VPS13D: variants seen among roughly 807,000 people sequenced by gnomAD.
VPS13D encodes intermembrane lipid transfer protein VPS13D.
A neutral mutation model predicts 461.9 loss-of-function variants in VPS13D; 187 were observed. The ratio of observed to expected loss-of-function variants is 0.40; its 90% CI spans 0.36 to 0.46. The LOEUF (loss-of-function observed/expected upper bound fraction) is 0.46. VPS13D is among the 20% of genes least tolerant of loss of function. The pLI is 0.60. For missense variants in VPS13D, 4,711 were observed against 5,364.9 expected (o/e 0.88, Z 3.81); for synonymous variants, 1,951 against 1,986.3 (o/e 0.98, Z 0.47).
At chr1:12,313,299 C>CTTG (rs1642805402) in intron 29 of VPS13D, among the ~76,000 whole-genome samples, 2 of 117,604 alleles carry the variant, frequency 1.7e-5, no homozygotes, top group Admixed American at 1.8e-4. Context: ...TTATTCTTTC[C>CTTG]TTTTTTTTTT....
intron 57 of VPS13D, among the ~76,000 whole-genome samples, chr1:12,379,942 G>C (rs1166389232): frequency 6.6e-6 from 1 of 151,978 alleles, no homozygotes; most frequent in Non-Finnish European, 1.5e-5. Flanking sequence ...CTAATTTTTT[G>C]TATTTTTTAG....
chr1:12,386,714 AT>A (rs1392558511), intron 60 of VPS13D, among the ~76,000 whole-genome samples: 5 of 152,290 alleles, frequency 3.3e-5, no homozygotes, highest in Admixed American at 3.3e-4. Context: ...CAGGGACTAA[AT>A]TTACCCTCCC....
chr1:12,233,463 T>C (rs1160384342), intron 1 of VPS13D, among the ~76,000 whole-genome samples: 2 of 152,170 alleles, frequency 1.3e-5, no homozygotes, highest in South Asian at 2.1e-4. Context: ...CCGTGGTCTT[T>C]ATTCACAAGA....
chr1:12,404,048 TTTG>T (rs1010712775), intron 63 of VPS13D, 75 bp downstream of exon 63: 2 of 1,413,706 alleles, frequency 1.4e-6, no homozygotes, highest in Non-Finnish European at 1.9e-6. Context: ...CTATTTGTTG[TTTG>T]TTGTTGTGTG....
At chr1:12,405,963 C>CG (rs1204093768) in intron 63 of VPS13D, among the ~76,000 whole-genome samples, 1 of 152,204 alleles carries the variant, frequency 6.6e-6, no homozygotes, top group African/African-American at 2.4e-5. Flanking sequence ...CTCCAGCCCC[C>CG]CCCAGTTACA....
intron 20 of VPS13D, 93 bp from the exon 21 acceptor site, chr1:12,282,612 T>C: frequency 2.5e-6 from 3 of 1,212,210 alleles, no homozygotes; most frequent in Non-Finnish European, 3.5e-6. Flanking sequence ...CAGCCTCATG[T>C]AGGAATCATG....
intron 67 of VPS13D, among the ~76,000 whole-genome samples, 188 bp downstream of exon 67, chr1:12,460,584 A>AT (rs1645396723): frequency 1.3e-5 from 2 of 151,226 alleles, no homozygotes; most frequent in South Asian, 2.1e-4. Flanking sequence ...CCTGGCATGA[A>AT]TTTTTTCAGA....
chr1:12,391,988 G>A (rs1175093287), intron 60 of VPS13D, among the ~76,000 whole-genome samples: 3 of 151,990 alleles, frequency 2.0e-5, no homozygotes, highest in Non-Finnish European at 4.4e-5. Flanking sequence ...AGCCTCCCAA[G>A]TAGCTGAGAA....
intron 23 of VPS13D, among the ~76,000 whole-genome samples, chr1:12,292,151 C>T (rs369174835): frequency 6.2e-5 from 9 of 145,724 alleles, no homozygotes; most frequent in Admixed American, 2.9e-4. Flanking sequence ...CCCAGCTAGT[C>T]GGGAGGCTGA....
Position 12,508,928 on chromosome 1 carries a change from G to A in VPS13D, c.13071G>A (p.Leu4357=), listed in dbSNP as rs1345032906. ...HVKSEVLAVK[L]SQEINYAKSL... Reference sequence around the variant, plus strand: ...AATCTGAGGTCCTTGCTGTCAAGTTGTCACAAGAAATAAACTACGCAAAGA... The same window carrying A: ...AATCTGAGGTCCTTGCTGTCAAGTTATCACAAGAAATAAACTACGCAAAGA... Residue 4357 remains leucine, a synonymous_variant, in exon 70 of 70, where the codon TTG becomes TTA. Coordinates refer to ENST00000620676, the MANE Select transcript of VPS13D (RefSeq NM_015378.4). The A allele has an allele frequency of 1.2e-6, 2 of 1,614,062 alleles. No homozygotes were observed. The highest frequency in any genetic ancestry group is 2.7e-5 in the African/African-American group (2 of 74,924).
At chr1:12,285,233 C>A (rs942049872) in intron 21 of VPS13D, among the ~76,000 whole-genome samples, 1 of 151,154 alleles carries the variant, frequency 6.6e-6, no homozygotes, top group Non-Finnish European at 1.5e-5. Flanking sequence ...TTACTTTATG[C>A]CTTTTCTTCT....
At position 12,401,613 on chromosome 1, in the gene VPS13D, G is replaced by C. The variant is rs1484959236; in HGVS notation, c.11790G>C (p.Leu3930=). Residue 3930 remains leucine (L), a synonymous_variant, in exon 62 of 70, where the codon CTG becomes CTC. Transcript: ENST00000620676. ...KSALTNIYKH[L]MITAQRFTVQ... ...CAGAATTTCTTTATCTCTAGCATCT[G>C]ATGATCACAGCTCAGAGATTCACAG... 1 of 1,610,100 alleles carries C rather than the reference G, an allele frequency of 6.2e-7. No homozygotes were observed. The highest frequency in any genetic ancestry group is 1.3e-5 in the African/African-American group (1 of 74,982).
At chr1:12,241,079 T>C (rs1392585934) in intron 2 of VPS13D, among the ~76,000 whole-genome samples, 2 of 152,152 alleles carry the variant, frequency 1.3e-5, no homozygotes, top group Non-Finnish European at 2.9e-5. Flanking sequence ...TAGCTGGGAC[T>C]ACAGATGTGT....
Position 12,283,742 on chromosome 1 carries a change from C to G in VPS13D, c.5634+6C>G, listed in dbSNP as rs756933953. 100 of 1,604,962 alleles carry G rather than the reference C, an allele frequency of 6.2e-5. No individual in the cohort carries two copies. Among genetic ancestry groups the G allele is most frequent in the Non-Finnish European group, 8.3e-5 (97 of 1,174,398 alleles). ...ACACCAAACTGGATCTCAAGGTATC[C>G]TCAGTTCCCTTTGGCTCCCTTAAGC... On this transcript the variant is annotated splice_donor_region_variant and intron_variant, in intron 21 of 69. Transcript: ENST00000620676.
At chr1:12,317,360 G>A (rs1394017217) in intron 30 of VPS13D, among the ~76,000 whole-genome samples, 2 of 152,042 alleles carry the variant, frequency 1.3e-5, no homozygotes, top group African/African-American at 2.4e-5. Context: ...AACACAGCTC[G>A]TAAATGGCAG....
chr1:12,372,642 T>A (rs1644135656), intron 54 of VPS13D, among the ~76,000 whole-genome samples: 1 of 152,182 alleles, frequency 6.6e-6, no homozygotes, highest in South Asian at 2.1e-4. Flanking sequence ...TCTCCCATTA[T>A]TTTTGTGAGT....
At chr1:12,370,018 A>G (rs1451560433) in intron 54 of VPS13D, among the ~76,000 whole-genome samples, 3 of 152,206 alleles carry the variant, frequency 2.0e-5, no homozygotes, top group Non-Finnish European at 4.4e-5. Flanking sequence ...GAAACTGACT[A>G]ATCTTCATCA....
chr1:12,367,556 T>TAA (rs1215892955), intron 52 of VPS13D: 26 of 148,852 alleles, frequency 1.7e-4, no homozygotes, highest in African/African-American at 6.4e-4. Context: ...GCGATGAAAT[T>TAA]TATTTATTTA....
intron 67 of VPS13D, among the ~76,000 whole-genome samples, chr1:12,476,097 A>G (rs960706967): frequency 1.3e-5 from 2 of 152,228 alleles, no homozygotes; most frequent in Non-Finnish European, 2.9e-5. Flanking sequence ...CAGAATGTAC[A>G]AGAGAGAAGC....
Sources: allele counts gnomAD v4.1 joint callset (sites outside exome capture counted in the v4.1 genomes callset), GRCh38; gene constraint gnomAD v4.1.1; transcripts MANE v1.5; gene names NCBI Gene and HGNC (gene_info 2026-07-23, HGNC 2026-07-21).